The following FARS2 variants were observed in gnomAD, a reference collection of about 807,000 sequenced individuals.
FARS2 encodes phenylalanyl-tRNA synthetase 2, mitochondrial, also known as phenylalanine--tRNA ligase, mitochondrial.
FARS2 carries 40 observed loss-of-function variants against 46.4 expected under a neutral mutation model. That is an observed-to-expected ratio of 0.86 (90% CI 0.67 to 1.12). The LOEUF (loss-of-function observed/expected upper bound fraction) is 1.12. Ranked by LOEUF, FARS2 falls within the 50% of genes most tolerant of loss-of-function variation. FARS2 has a pLI of 0.00. For missense variants in FARS2, 513 were observed against 567.9 expected, an observed-to-expected ratio of 0.90 and a Z score of 0.98; for synonymous variants, 234 against 214.9, an observed-to-expected ratio of 1.09 and a Z score of -0.78.
intron 2 of FARS2, among the ~76,000 whole-genome samples, chr6:5,387,666 G>A (rs868865905): frequency 1.3e-5 from 2 of 152,190 alleles, no homozygotes; most frequent in African/African-American, 2.4e-5. Context: ...GAAGAATAGC[G>A]TGAAGCATCT....
chr6:5,628,864 A>G (rs1776158816), intron 6 of FARS2, among the ~76,000 whole-genome samples: 1 of 152,232 alleles, frequency 6.6e-6, no homozygotes, highest in Non-Finnish European at 1.5e-5. Context: ...GTGCACTGCC[A>G]TCACCTGAGA....
chr6:5,562,793 CTTTTTTCTTTTTCTTTTT>C (rs1202410602), intron 5 of FARS2, among the ~76,000 whole-genome samples: 7 of 145,180 alleles, frequency 4.8e-5, no homozygotes, highest in Non-Finnish European at 1.1e-4. Context: ...CTTTTCTTTT[CTTTTTTCTTTTTCTTTTT>C]TTTTTTTTTT....
rs922177747 is a variant in FARS2, at chr6:5,431,612, C to G, written c.904+440C>G. On this transcript the variant is annotated intron_variant, in intron 4 of 6. Transcript: ENST00000274680. ...CAAGTATTTTATAAATACACTAAAA[C>G]GCAGTGTAAAAACACTTAGGCCCCT... 4 of 529,478 alleles carry G rather than the reference C, an allele frequency of 7.6e-6. No homozygotes were observed. In the Admixed American group the frequency reaches 7.8e-5, roughly 10 times the overall value. The allele number at this position is 529,478 out of a possible 1,614,324, so 32.8% of individuals were successfully genotyped here.
chr6:5,330,106 G>A (rs1770692739), intron 1 of FARS2, among the ~76,000 whole-genome samples: 1 of 152,038 alleles, frequency 6.6e-6, no homozygotes, highest in Non-Finnish European at 1.5e-5. Flanking sequence ...CGGGATTTAG[G>A]AGTTCTCAAT....
chr6:5,293,116 G>C (rs1189224825), intron 1 of FARS2, among the ~76,000 whole-genome samples: 1 of 152,224 alleles, frequency 6.6e-6, no homozygotes, highest in Non-Finnish European at 1.5e-5. Flanking sequence ...TGGTAGAGCA[G>C]AATCCAGAAT....
chr6:5,493,209 CAAAAAA>C (rs34541325), intron 4 of FARS2, among the ~76,000 whole-genome samples: 2 of 92,880 alleles, frequency 2.2e-5, no homozygotes, highest in Admixed American at 1.2e-4. Flanking sequence ...GACTGTGTCT[CAAAAAA>C]AAAAAAAAAA....
intron 2 of FARS2, among the ~76,000 whole-genome samples, chr6:5,385,889 C>T (rs1760100246): frequency 6.6e-6 from 1 of 152,112 alleles, no homozygotes; most frequent in Non-Finnish European, 1.5e-5. Context: ...ACTGGCTTAT[C>T]CCTGGGGCTC....
intron 5 of FARS2, among the ~76,000 whole-genome samples, chr6:5,546,746 C>A (rs1461913072): frequency 6.9e-6 from 1 of 144,100 alleles, no homozygotes; most frequent in Non-Finnish European, 1.5e-5. Context: ...TTTTTTTTTC[C>A]TGTTTTGTCC....
intron 1 of FARS2, chr6:5,272,442 A>G (rs966419188): frequency 3.3e-5 from 5 of 152,228 alleles, no homozygotes; most frequent in African/African-American, 1.2e-4. Context: ...TATCAAATCA[A>G]GGAGGAAATG....
intron 4 of FARS2, among the ~76,000 whole-genome samples, chr6:5,479,863 T>C (rs200215): frequency 0.6 from 90,629 of 152,146 alleles, 28,520 homozygotes; most frequent in African/African-American, 0.81. Context: ...CTCAGGGAGA[T>C]ACCAGCTAGC....
intron 5 of FARS2, among the ~76,000 whole-genome samples, chr6:5,559,029 A>T (rs1470050246): frequency 6.6e-6 from 1 of 152,124 alleles, no homozygotes; most frequent in Non-Finnish European, 1.5e-5. Flanking sequence ...TAACTTGCTG[A>T]TAAAAATGTA....
intron 2 of FARS2, among the ~76,000 whole-genome samples, chr6:5,392,737 C>T (rs112438068): frequency 5.0e-3 from 92 of 18,576 alleles, no homozygotes; most frequent in African/African-American, 5.4e-3. Flanking sequence ...TATATATATA[C>T]ACACACACAC....
At chr6:5,733,393 A>T (rs1760761432) in intron 6 of FARS2, among the ~76,000 whole-genome samples, 1 of 152,200 alleles carries the variant, frequency 6.6e-6, no homozygotes, top group Admixed American at 6.5e-5. Context: ...AAATTACAGC[A>T]GGAGGTCACG....
At chr6:5,675,364 T>C (rs755495455) in intron 6 of FARS2, among the ~76,000 whole-genome samples, 3 of 152,182 alleles carry the variant, frequency 2.0e-5, no homozygotes, top group African/African-American at 4.8e-5. Context: ...TAACAGAGAA[T>C]TTTAGGAGAC....
intron 6 of FARS2, among the ~76,000 whole-genome samples, chr6:5,664,622 A>T (rs11243028): frequency 0.9 from 136,569 of 152,302 alleles, 61,285 homozygotes; most frequent in East Asian, 0.99. Flanking sequence ...ATAAGTTCTT[A>T]GAATAAGAAG....
chr6:5,653,814 G>A (rs1777483187), intron 6 of FARS2, among the ~76,000 whole-genome samples: 1 of 152,230 alleles, frequency 6.6e-6, no homozygotes, highest in African/African-American at 2.4e-5. Context: ...CCTTCATGGA[G>A]TGCAGGGAAG....
At chr6:5,717,389 G>GTC (rs1462706955) in intron 6 of FARS2, among the ~76,000 whole-genome samples, 1 of 149,844 alleles carries the variant, frequency 6.7e-6, no homozygotes, top group Admixed American at 6.6e-5. Flanking sequence ...GTGTGTGTGT[G>GTC]TCTATGTATA....
intron 4 of FARS2, among the ~76,000 whole-genome samples, chr6:5,528,236 C>G (rs1769595505): frequency 6.6e-6 from 1 of 152,014 alleles, no homozygotes; most frequent in Admixed American, 6.5e-5. Flanking sequence ...CACTCTGTTG[C>G]CAAGGTTGGA....
chr6:5,588,904 C>T (rs1273439716), intron 5 of FARS2, among the ~76,000 whole-genome samples: 1 of 152,190 alleles, frequency 6.6e-6, no homozygotes, highest in Non-Finnish European at 1.5e-5. Flanking sequence ...CACATCATCG[C>T]CATAGGCAAT....
Sources: gnomAD v4.1 joint callset for allele counts (sites outside exome capture counted in the v4.1 genomes callset) on GRCh38, gnomAD v4.1.1 for gene constraint, MANE v1.5 for transcripts, NCBI Gene and HGNC (gene_info 2026-07-23, HGNC 2026-07-21) for gene names.